NTM: variants seen among roughly 807,000 people sequenced by gnomAD.
The protein encoded by NTM is neurotrimin, also known as IgLON family member 2.
A neutral mutation model predicts 42.1 loss-of-function variants in NTM; 13 were observed. That is an observed-to-expected ratio of 0.31 (90% CI 0.20 to 0.49). The LOEUF (loss-of-function observed/expected upper bound fraction) is 0.49, where lower values mean the gene tolerates loss of function less well. Ranked by LOEUF, NTM falls within the 20% of genes least tolerant of loss-of-function variation. NTM has a pLI of 0.99. For synonymous variants in NTM, 187 were observed against 179.2 expected (o/e 1.04, Z -0.35); for missense variants, 373 against 452.8 (o/e 0.82, Z 1.60).
intron 4 of NTM, among the ~76,000 whole-genome samples, chr11:132,302,155 AT>A (rs1384032442): frequency 6.6e-6 from 1 of 152,216 alleles, no homozygotes; most frequent in Non-Finnish European, 1.5e-5. Context: ...GTGTGATCAC[AT>A]ATCCAGCTTG....
intron 2 of NTM, among the ~76,000 whole-genome samples, chr11:131,929,608 CTG>C (rs1478096694): frequency 6.6e-6 from 1 of 152,130 alleles, no homozygotes; most frequent in Non-Finnish European, 1.5e-5. Flanking sequence ...CCACAATTCC[CTG>C]TGCCACGTCC....
intron 2 of NTM, among the ~76,000 whole-genome samples, chr11:132,092,382 A>T (rs2060475852): frequency 6.6e-6 from 1 of 152,174 alleles, no homozygotes; most frequent in Non-Finnish European, 1.5e-5. Context: ...CAAGATGACC[A>T]CTGGCTCTGC....
At chr11:131,421,918 A>G (rs1199202700) in intron 1 of NTM, among the ~76,000 whole-genome samples, 2 of 152,124 alleles carry the variant, frequency 1.3e-5, no homozygotes, top group African/African-American at 2.4e-5. Flanking sequence ...TACTTCCATA[A>G]TTATTGGGGG....
At chr11:131,605,117 T>G (rs1352384686) in intron 1 of NTM, among the ~76,000 whole-genome samples, 1 of 152,058 alleles carries the variant, frequency 6.6e-6, no homozygotes, top group African/African-American at 2.4e-5. Context: ...ACATTGAGAT[T>G]TAGATAAGGA....
chr11:131,784,767 A>C (rs915576650), intron 1 of NTM, among the ~76,000 whole-genome samples: 2 of 152,250 alleles, frequency 1.3e-5, no homozygotes, highest in African/African-American at 4.8e-5. Context: ...CGTGCAAAAT[A>C]CACCTTAATA....
chr11:132,222,707 G>T (rs888126450), intron 4 of NTM, among the ~76,000 whole-genome samples: 1 of 152,052 alleles, frequency 6.6e-6, no homozygotes, highest in African/African-American at 2.4e-5. Flanking sequence ...GGCTCATCTT[G>T]CCCCTTATTC....
chr11:132,332,493 C>T (rs2095818271), intron 8 of NTM: 1 of 152,180 alleles, frequency 6.6e-6, no homozygotes, highest in Non-Finnish European at 1.5e-5. Flanking sequence ...CTTTTTCTGT[C>T]TTCCATAGGA....
chr11:131,770,967 T>TC (rs1398427712), intron 1 of NTM: 3 of 152,192 alleles, frequency 2.0e-5, no homozygotes, highest in African/African-American at 7.2e-5. Context: ...TTTTTGCAGA[T>TC]CTTCAGATTC....
intron 1 of NTM, among the ~76,000 whole-genome samples, chr11:131,558,666 T>C (rs1156876637): frequency 6.6e-6 from 1 of 152,188 alleles, no homozygotes; most frequent in East Asian, 1.9e-4. Flanking sequence ...ACCCAGGCAG[T>C]GTATGCCTTG....
At chr11:131,488,229 A>G (rs192718576) in intron 1 of NTM, among the ~76,000 whole-genome samples, 310 of 152,320 alleles carry the variant, frequency 2.0e-3, no homozygotes, top group African/African-American at 7.1e-3. Flanking sequence ...ATGTTTCTGT[A>G]GGTTGGCCGG....
chr11:131,878,594 AATATATATATATATATATAT>A lies in NTM; in HGVS notation c.83-32942_83-32923del, dbSNP rs201069325. ...CAAAAAAAAAAAAAAAAAAAAAAAA[AATATATATATATATATATAT>A]ATATATATATATATATATATATATA... On this transcript the variant is annotated intron_variant, in intron 1 of 8. Transcript: ENST00000683400. Among the ~76,000 whole-genome samples the A allele has an allele frequency of 6.2e-4, 12 of 19,348 alleles. 3 individuals carry two copies. Among genetic ancestry groups the A allele is most frequent in the African/African-American group, 8.4e-4 (5 of 5,972 alleles). The allele number at this position is 19,348 out of a possible 152,430, so 12.7% of individuals were successfully genotyped here.
chr11:131,398,061 A>G (rs1281232945), intron 1 of NTM, among the ~76,000 whole-genome samples: 1 of 152,250 alleles, frequency 6.6e-6, no homozygotes, highest in Non-Finnish European at 1.5e-5. Flanking sequence ...TCACTGTGTC[A>G]TCTGATTCTT....
chr11:132,076,333 G>C (rs1180603470), intron 2 of NTM, among the ~76,000 whole-genome samples: 1 of 152,148 alleles, frequency 6.6e-6, no homozygotes, highest in African/African-American at 2.4e-5. Flanking sequence ...TCACTTACCA[G>C]ATCTGCAGGT....
intron 2 of NTM, among the ~76,000 whole-genome samples, chr11:132,071,153 A>G (rs2057582578): frequency 7.0e-6 from 1 of 143,380 alleles, no homozygotes; most frequent in Non-Finnish European, 1.6e-5. Flanking sequence ...TCAAGTTAAC[A>G]CGTCAAACTG....
At chr11:131,513,900 A>G (rs540370844) in intron 1 of NTM, among the ~76,000 whole-genome samples, 1 of 152,266 alleles carries the variant, frequency 6.6e-6, no homozygotes, top group South Asian at 2.1e-4. Flanking sequence ...TCAGAGCCCC[A>G]GGGGAAGAGA....
chr11:131,499,796 C>G (rs1565568024), intron 1 of NTM, among the ~76,000 whole-genome samples: 2 of 152,252 alleles, frequency 1.3e-5, no homozygotes. Context: ...TTAGGTTCCC[C>G]TTCACCCGCG....
At chr11:131,958,148 AT>A (rs141043073) in intron 2 of NTM, among the ~76,000 whole-genome samples, 4,035 of 152,188 alleles carry the variant, frequency 0.027, 174 homozygotes, top group African/African-American at 0.093. Context: ...TGGATCTGAG[AT>A]TTTCTCCAGC....
intron 2 of NTM, among the ~76,000 whole-genome samples, chr11:131,950,477 A>G (rs955826698): frequency 6.6e-5 from 10 of 150,662 alleles, no homozygotes; most frequent in Non-Finnish European, 1.2e-4. Flanking sequence ...CACTTTGTTC[A>G]CTCAGTACTC....
intron 1 of NTM, among the ~76,000 whole-genome samples, chr11:131,896,749 T>C (rs1329114072): frequency 6.9e-6 from 1 of 145,174 alleles, no homozygotes; most frequent in Non-Finnish European, 1.5e-5. Flanking sequence ...AGTGCGGTGG[T>C]GTGATCTCAG....
Sources: gnomAD v4.1 joint callset for allele counts (sites outside exome capture counted in the v4.1 genomes callset) on GRCh38, gnomAD v4.1.1 for gene constraint, MANE v1.5 for transcripts, NCBI Gene and HGNC (gene_info 2026-07-23, HGNC 2026-07-21) for gene names.